ZBTB20: variants seen among roughly 807,000 people sequenced by gnomAD.
The protein encoded by ZBTB20 is zinc finger and BTB domain-containing protein 20.
A neutral mutation model predicts 56.9 loss-of-function variants in ZBTB20; 9 were observed. The observed-to-expected ratio is 0.16, with a 90% CI of 0.10 to 0.28. The LOEUF (loss-of-function observed/expected upper bound fraction) is 0.28, where lower values mean the gene tolerates loss of function less well. ZBTB20 is among the 10% of genes least tolerant of loss of function. The pLI is 1.00. For missense variants in ZBTB20, 655 were observed against 1,003.0 expected, an observed-to-expected ratio of 0.65 and a Z score of 4.69; for synonymous variants, 417 against 420.7, an observed-to-expected ratio of 0.99 and a Z score of 0.11.
rs562210981 is a variant in ZBTB20 at position 114,469,281 on chromosome 3, T to G, written c.-255+31071A>C. On this transcript the variant is annotated intron_variant, in intron 7 of 11. Transcript: ENST00000675478. ...GTTTTCCTAGTCACAAGGAATGTAA[T>G]GTGGAGAGACTGAACCTCAATGTGC... Among the ~76,000 whole-genome samples the G allele has an allele frequency of 3.9e-5, 6 of 152,278 alleles. No individual in the cohort carries two copies. The East Asian group carries it at 1.2e-3, about 29-fold the overall frequency.
chr3:114,676,932 G>A (rs1327773202), intron 6 of ZBTB20, among the ~76,000 whole-genome samples: 6 of 151,940 alleles, frequency 3.9e-5, no homozygotes, highest in African/African-American at 9.7e-5. Flanking sequence ...GCAACACCAC[G>A]CCCAGCTAAT....
chr3:114,979,128 A>G (rs1420365080), intron 2 of ZBTB20, among the ~76,000 whole-genome samples: 1 of 152,174 alleles, frequency 6.6e-6, no homozygotes, highest in East Asian at 1.9e-4. Context: ...CTAGCAACCA[A>G]ATTTTAACTG....
intron 6 of ZBTB20, among the ~76,000 whole-genome samples, chr3:114,525,314 T>A (rs559830838): frequency 6.6e-6 from 1 of 152,280 alleles, no homozygotes; most frequent in South Asian, 2.1e-4. Flanking sequence ...AATCCTTATA[T>A]TCTTGGGTTC....
intron 1 of ZBTB20, among the ~76,000 whole-genome samples, chr3:115,072,116 C>A (rs1267389717): frequency 6.6e-6 from 1 of 152,168 alleles, no homozygotes; most frequent in Non-Finnish European, 1.5e-5. Context: ...AATTCACCCA[C>A]ATTTAAACAT....
At chr3:115,126,843 C>A (rs1263206818) in intron 1 of ZBTB20, among the ~76,000 whole-genome samples, 2 of 152,028 alleles carry the variant, frequency 1.3e-5, no homozygotes, top group Non-Finnish European at 2.9e-5. Flanking sequence ...AGGTCTTGGA[C>A]TCACAGGTTA....
At chr3:114,875,203 TA>T (rs2076149510) in intron 4 of ZBTB20, among the ~76,000 whole-genome samples, 1 of 152,164 alleles carries the variant, frequency 6.6e-6, no homozygotes, top group Non-Finnish European at 1.5e-5. Flanking sequence ...GCACTGTGCA[TA>T]ATCAAACTGA....
At chr3:114,961,279 C>G (rs948618873) in intron 3 of ZBTB20, among the ~76,000 whole-genome samples, 1 of 151,554 alleles carries the variant, frequency 6.6e-6, no homozygotes, top group South Asian at 2.1e-4. Context: ...GAACTTAGAA[C>G]TATCCTCCTT....
chr3:114,486,285 G>A (rs2042146655), intron 7 of ZBTB20, among the ~76,000 whole-genome samples: 2 of 152,002 alleles, frequency 1.3e-5, no homozygotes, highest in Non-Finnish European at 2.9e-5. Context: ...TTACTAGGAG[G>A]TGGCTTGCCT....
intron 2 of ZBTB20, among the ~76,000 whole-genome samples, chr3:115,024,689 A>G (rs1312591146): frequency 6.6e-6 from 1 of 151,100 alleles, no homozygotes; most frequent in Non-Finnish European, 1.5e-5. Context: ...CAAGAACTGT[A>G]CAGTAGGCCA....
At chr3:114,645,376 C>G (rs2059783001) in intron 6 of ZBTB20, among the ~76,000 whole-genome samples, 1 of 152,084 alleles carries the variant, frequency 6.6e-6, no homozygotes, top group Non-Finnish European at 1.5e-5. Context: ...GCATTACTGG[C>G]AAATTAATTA....
chr3:114,728,931 G>C (rs1161836512), intron 5 of ZBTB20, among the ~76,000 whole-genome samples: 3 of 152,074 alleles, frequency 2.0e-5, no homozygotes, highest in Non-Finnish European at 4.4e-5. Context: ...CAGTGTGGGG[G>C]CAGAGAGAAT....
At chr3:114,432,100 T>A (rs1012730001) in intron 7 of ZBTB20, among the ~76,000 whole-genome samples, 3 of 150,394 alleles carry the variant, frequency 2.0e-5, no homozygotes, top group African/African-American at 7.4e-5. Context: ...AAAGTCCCAG[T>A]GGAAACATTA....
chr3:115,022,623 C>T (rs1374219446), intron 2 of ZBTB20, among the ~76,000 whole-genome samples: 9 of 150,990 alleles, frequency 6.0e-5, no homozygotes, highest in Admixed American at 2.7e-4. Context: ...TCCAACTCTA[C>T]AATCTACTCC....
chr3:114,855,660 T>C (rs759504175), intron 4 of ZBTB20, among the ~76,000 whole-genome samples: 2 of 152,028 alleles, frequency 1.3e-5, no homozygotes, highest in Admixed American at 6.6e-5. Flanking sequence ...GACAGAAGTA[T>C]TTAAAAAGGA....
chr3:114,678,221 T>C (rs908356416), intron 6 of ZBTB20, among the ~76,000 whole-genome samples: 1 of 152,122 alleles, frequency 6.6e-6, no homozygotes, highest in Non-Finnish European at 1.5e-5. Flanking sequence ...AACAAGAAAA[T>C]AAAAACATAT....
chr3:114,451,948 G>C (rs968420040), intron 7 of ZBTB20, among the ~76,000 whole-genome samples: 2 of 152,080 alleles, frequency 1.3e-5, no homozygotes, highest in East Asian at 1.9e-4. Flanking sequence ...CTAGCTGATA[G>C]GAGCTGCCTG....
chr3:114,340,429 G>A (rs1043203499), intron 11 of ZBTB20, among the ~76,000 whole-genome samples: 3 of 152,000 alleles, frequency 2.0e-5, no homozygotes, highest in African/African-American at 4.8e-5. Context: ...GTTTTCCTGC[G>A]TCCTCCTTTG....
intron 6 of ZBTB20, among the ~76,000 whole-genome samples, chr3:114,633,821 C>T (rs1384715433): frequency 3.9e-5 from 6 of 152,092 alleles, no homozygotes; most frequent in Non-Finnish European, 7.4e-5. Context: ...TTCTCCAAAT[C>T]TAGAGATGAA....
rs189700213 is a variant in ZBTB20 at position 115,025,985 on chromosome 3, T to A, written c.-507+45234A>T. ...CTAACACAAAGTAACTGCCTTAGCA[T>A]AATTTAGGTGGCTGATTGGATGGAT... On this transcript the variant is annotated intron_variant, in intron 2 of 11. Coordinates refer to ENST00000675478, the MANE Select transcript of ZBTB20 (RefSeq NM_001348800.3). 8.6e-5 allele frequency among the ~76,000 whole-genome samples: 13 copies of A among 151,034 alleles called. No individual in the cohort carries two copies. The East Asian group carries it at 2.5e-3, about 29-fold the overall frequency.
Sources: allele counts gnomAD v4.1 joint callset (sites outside exome capture counted in the v4.1 genomes callset), GRCh38; gene constraint gnomAD v4.1.1; transcripts MANE v1.5; gene names NCBI Gene and HGNC (gene_info 2026-07-23, HGNC 2026-07-21).